The following DHX37 variants were observed in gnomAD, a reference collection of about 807,000 sequenced individuals.
DHX37 encodes probable ATP-dependent RNA helicase DHX37.
Under a neutral mutation model 134.3 loss-of-function variants are expected in DHX37, and 52 were observed. The ratio of observed to expected loss-of-function variants is 0.39; its 90% CI spans 0.31 to 0.49. The LOEUF (loss-of-function observed/expected upper bound fraction) is 0.49. Among genes scored for constraint, DHX37 ranks in the 20% least tolerant of loss-of-function variants. The pLI is 0.93. For missense variants in DHX37, 1,344 were observed against 1,580.8 expected (o/e 0.85, Z 2.54); for synonymous variants, 634 against 670.7 (o/e 0.95, Z 0.85).
intron 16 of DHX37, 102 bp from the exon 17 acceptor site, chr12:124,957,237 G>C (rs369680926): frequency 8.8e-7 from 1 of 1,131,622 alleles, no homozygotes; most frequent in African/African-American, 1.6e-5. Flanking sequence ...CCCTCTCTCC[G>C]GGCTCAGCTC....
chr12:124,986,282 A>G lies in DHX37; in HGVS notation c.107-17T>C. The G allele has an allele frequency of 6.2e-7, 1 of 1,611,462 alleles. No individual in the cohort carries two copies. Among genetic ancestry groups the G allele is most frequent in the South Asian group, 1.1e-5 (1 of 90,716 alleles). ...TGTCCTTGTCTGAGAGAGCACAGTTATTAAGTCCCCATTCTCCTTGAGGTA... is the reference window on the plus strand; with the variant it reads ...TGTCCTTGTCTGAGAGAGCACAGTTGTTAAGTCCCCATTCTCCTTGAGGTA... On this transcript the variant is annotated splice_polypyrimidine_tract_variant and intron_variant, in intron 1 of 26. Coordinates refer to ENST00000308736, the MANE Select transcript of DHX37 (RefSeq NM_032656.4).
chr12:124,961,224 GCACGCACACA>G (rs1459026602), intron 15 of DHX37, among the ~76,000 whole-genome samples: 17 of 117,896 alleles, frequency 1.4e-4, no homozygotes, highest in African/African-American at 5.3e-4. Context: ...GCACGCACAC[GCACGCACACA>G]CACATACACG....
chr12:124,965,593 G>A (rs1357815986), intron 13 of DHX37, 75 bp downstream of exon 13: 24 of 1,464,710 alleles, frequency 1.6e-5, no homozygotes, highest in East Asian at 2.5e-5. Context: ...GCCCCCGGGG[G>A]GCCCACAAGG....
chr12:124,974,674 C>T (rs1565889638), intron 6 of DHX37, among the ~76,000 whole-genome samples: 1 of 151,846 alleles, frequency 6.6e-6, no homozygotes, highest in Non-Finnish European at 1.5e-5. Flanking sequence ...AGACACAGGC[C>T]TCTGCATTAT....
intron 18 of DHX37, among the ~76,000 whole-genome samples, chr12:124,955,565 G>C (rs1954075767): frequency 6.6e-6 from 1 of 152,306 alleles, no homozygotes; most frequent in African/African-American, 2.4e-5. Context: ...GCCTGCCTCG[G>C]CCTCCCAAGT....
At position 124,980,919 on chromosome 12, in the gene DHX37, T is replaced by C. The variant is rs1470022008; in HGVS notation, c.390-81A>G. 3 of 1,461,220 alleles carry C rather than the reference T, an allele frequency of 2.1e-6. No homozygotes were observed. Among genetic ancestry groups the C allele is most frequent in the Non-Finnish European group, 2.7e-6 (3 of 1,097,734 alleles). The allele number at this position is 1,461,220 out of a possible 1,614,324, so 90.5% of individuals were successfully genotyped here. A position where few individuals can be genotyped will look rare whatever the true frequency, so the allele number is the denominator to read the frequency against. ...AGGACTCCAAGGCCATACCCCTTTC[T>C]GCCTCAGGGACTTTGCACCTGCTGT... On this transcript the variant is annotated intron_variant, in intron 3 of 26. Coordinates refer to ENST00000308736, the MANE Select transcript of DHX37 (RefSeq NM_032656.4). This position sits in a 1 kb window ranked among gnomAD's most constrained non-coding sequence, Gnocchi z 5.3.
In DHX37 at chr12:124,949,851, G is replaced by A; in HGVS notation, c.3290+135C>T. On this transcript the variant is annotated intron_variant, in intron 25 of 26. Transcript: ENST00000308736. This position sits in a 1 kb window ranked among gnomAD's most constrained non-coding sequence, Gnocchi z 4.0. The stretch of plus-strand genomic sequence containing the variant: ...GCTGCACAGACCGTGGCTCTGCAGA[G>A]CCTTCAGACCTGAGCACAGACTTCT... The A allele has an allele frequency of 9.8e-7, 1 of 1,019,352 alleles. No individual in the cohort carries two copies. The highest frequency in any genetic ancestry group is 1.4e-6 in the Non-Finnish European group (1 of 702,456). 63.1% of individuals were successfully genotyped at this position (1,019,352 alleles called of 1,614,324 possible).
Position 124,952,535 on chromosome 12 carries a change from C to G in DHX37, c.2731G>C (p.Asp911His), listed in dbSNP as rs925694890. Residue 911 changes from aspartate (D) to histidine (H), a missense_variant, in exon 21 of 27, where the codon GAT becomes CAT. Around this residue, in one of 7 missense-constraint regions of DHX37, gnomAD observed 558 missense variants for 650.0 expected, o/e 0.86. Transcript: ENST00000308736. ...AVCPEAELFV[D>H]PKMQPPTESQ... The stretch of plus-strand genomic sequence containing the variant: ...TCGGTGGGCGGCTGCATCTTGGGAT[C>G]CACGAAGAGCTCAGCCTCGGGGCAC... The G allele has an allele frequency of 6.4e-7, 1 of 1,555,434 alleles. No individual in the cohort carries two copies. Among genetic ancestry groups the G allele is most frequent in the Non-Finnish European group, 8.7e-7 (1 of 1,149,168 alleles).
At chr12:124,961,460 GCT>G (rs577602622) in intron 15 of DHX37, among the ~76,000 whole-genome samples, 60 of 152,044 alleles carry the variant, frequency 3.9e-4, no homozygotes, top group African/African-American at 1.4e-3. Context: ...ATGAAGTCTC[GCT>G]CTGTCGCCCA....
intron 2 of DHX37, among the ~76,000 whole-genome samples, chr12:124,985,510 G>A (rs1954850003): frequency 6.6e-6 from 1 of 151,516 alleles, no homozygotes; most frequent in Non-Finnish European, 1.5e-5. Context: ...GCCGAGGCGG[G>A]CGGATCACGA....
intron 3 of DHX37, 140 bp downstream of exon 3, chr12:124,982,371 G>T: frequency 2.6e-6 from 3 of 1,154,570 alleles, no homozygotes; most frequent in East Asian, 5.1e-5. Flanking sequence ...CATTTAGGAT[G>T]ACAATGAATT....
At chr12:124,975,319 C>A in intron 6 of DHX37, 100 bp downstream of exon 6, 1 of 1,228,826 alleles carries the variant, frequency 8.1e-7, no homozygotes, top group South Asian at 1.3e-5. Flanking sequence ...CCACCCAGCA[C>A]CCTCGGCACA....
At chr12:124,962,139 C>A (rs572199983) in intron 15 of DHX37, among the ~76,000 whole-genome samples, 1 of 152,164 alleles carries the variant, frequency 6.6e-6, no homozygotes, top group East Asian at 1.9e-4. Context: ...GCCCAGGAGG[C>A]GGAGGCTGCA....
rs1189652050 is a variant in DHX37, at chr12:124,986,146, CCTT to C, written c.223_225del (p.Lys75del). The C allele has an allele frequency of 1.2e-6, 2 of 1,614,196 alleles. No homozygotes were observed. The highest frequency in any genetic ancestry group is 1.3e-5 in the African/African-American group (1 of 75,052). ...AAGATTTTCTGCAGCACTTTCTTCT[CCTT>C]CTTGGTCAGAGGCTTCTTCTCCTTC... is the stretch of plus-strand genomic sequence containing the variant. On this transcript the variant is annotated inframe_deletion, in exon 2 of 27. Coordinates refer to ENST00000308736, the MANE Select transcript of DHX37 (RefSeq NM_032656.4).
At chr12:124,976,832 A>AAAT (rs1483167093) in intron 5 of DHX37, among the ~76,000 whole-genome samples, 3 of 144,960 alleles carry the variant, frequency 2.1e-5, no homozygotes, top group Non-Finnish European at 4.6e-5. Flanking sequence ...TCCGTCTCAA[A>AAAT]AATAATAATA....
rs370117208 is a variant in DHX37, at chr12:124,963,683, C to T, written c.2045+711G>A. Among the ~76,000 whole-genome samples the T allele has an allele frequency of 4.6e-3, 670 of 147,200 alleles. 5 individuals are homozygous for T. The highest frequency in any genetic ancestry group is 0.016 in the African/African-American group (623 of 39,550). On this transcript the variant is annotated intron_variant, in intron 15 of 26. Coordinates refer to ENST00000308736, the MANE Select transcript of DHX37 (RefSeq NM_032656.4). ...AGGAGATCGAGACCATCCTGGCTAA[C>T]ACGGTGAAAACCCATCTCTACTAAA...
At chr12:124,966,310 C>T (rs1954386388) in intron 12 of DHX37, among the ~76,000 whole-genome samples, 1 of 152,196 alleles carries the variant, frequency 6.6e-6, no homozygotes. Flanking sequence ...TCAGGTGATC[C>T]ACCTGCCTCA....
At chr12:124,971,044 C>A (rs549772020) in intron 8 of DHX37, among the ~76,000 whole-genome samples, 234 of 152,352 alleles carry the variant, frequency 1.5e-3, no homozygotes, top group African/African-American at 5.1e-3. Context: ...GAGCCTCTTG[C>A]TTTGGATGGG....
At chr12:124,983,501 CT>C (rs1264271952) in intron 2 of DHX37, among the ~76,000 whole-genome samples, 6 of 151,776 alleles carry the variant, frequency 4.0e-5, no homozygotes, top group African/African-American at 1.5e-4. Flanking sequence ...AAAGGACACA[CT>C]GACCAGGCAC....
Sources: allele counts gnomAD v4.1 joint callset (sites outside exome capture counted in the v4.1 genomes callset), GRCh38; gene constraint gnomAD v4.1.1; regional missense constraint gnomAD v4.1.1; non-coding constraint Gnocchi (gnomAD v3.1); transcripts MANE v1.5; gene names NCBI Gene and HGNC (gene_info 2026-07-23, HGNC 2026-07-21).